The following TUBB2A variants were observed in gnomAD, a reference collection of about 807,000 sequenced individuals.
TUBB2A encodes the protein tubulin beta-2A chain.
TUBB2A carries 7 observed loss-of-function variants against 33.9 expected under a neutral mutation model. The ratio of observed to expected loss-of-function variants is 0.21; its 90% CI spans 0.12 to 0.39. The LOEUF (loss-of-function observed/expected upper bound fraction) is 0.39, where lower values mean the gene tolerates loss of function less well. Among genes scored for constraint, TUBB2A ranks in the 10% least tolerant of loss-of-function variants. The pLI, the probability that TUBB2A is intolerant of heterozygous loss-of-function variation, is 1.00. For missense variants in TUBB2A, 80 were observed against 593.4 expected (o/e 0.13, Z 8.99); for synonymous variants, 187 against 247.6 (o/e 0.76, Z 2.30).
chr6:3,157,342 C>T, intron 1 of TUBB2A, 65 bp downstream of exon 1: 2 of 1,345,894 alleles, frequency 1.5e-6, no homozygotes, highest in Non-Finnish European at 1.9e-6. Flanking sequence ...GCCTCCAGCC[C>T]CCGCCCCGGC....
In TUBB2A at chr6:3,155,138, G is replaced by A; in HGVS notation, c.278-215C>T. On this transcript the variant is annotated intron_variant, in intron 3 of 3. Coordinates refer to ENST00000333628, the MANE Select transcript of TUBB2A (RefSeq NM_001069.3). The surrounding 1 kb of genome is among the most constrained non-coding windows in gnomAD (Gnocchi z 4.2). ...TAAGAAGTAAGTTTAGCTCATCTGA[G>A]GCTATTGATTGAGGAAGAGGATAGG... is the stretch of plus-strand genomic sequence containing the variant. 7.6e-7 allele frequency: 1 copy of A among 1,314,368 alleles called. No homozygotes were observed. Among genetic ancestry groups the A allele is most frequent in the Non-Finnish European group, 1.0e-6 (1 of 983,522 alleles). The allele number at this position is 1,314,368 out of a possible 1,614,324, so 81.4% of individuals were successfully genotyped here.
chr6:3,157,527 T>A lies in TUBB2A; in HGVS notation c.-64A>T, dbSNP rs1762658557. On this transcript the variant is annotated 5_prime_UTR_variant, in exon 1 of 4. Coordinates refer to ENST00000333628, the MANE Select transcript of TUBB2A (RefSeq NM_001069.3). ...CGGTGCGCGGCGTGGACCGGCGGGCTGGGCTGCGCAGAGACCTGCCGCCGC... is the reference window on the plus strand; with the variant it reads ...CGGTGCGCGGCGTGGACCGGCGGGCAGGGCTGCGCAGAGACCTGCCGCCGC... 31 of 1,415,576 alleles carry A rather than the reference T, an allele frequency of 2.2e-5. No individual in the cohort carries two copies. The highest frequency in any genetic ancestry group is 2.6e-4 in the Middle Eastern group (1 of 3,912). The allele number at this position is 1,415,576 out of a possible 1,614,324, so 87.7% of individuals were successfully genotyped here.
rs1554122890 is a variant in TUBB2A at position 3,153,844 on chromosome 6, C to G, written c.*19G>C. 1 of 1,613,864 alleles carries G rather than the reference C, an allele frequency of 6.2e-7. No homozygotes were observed. The highest frequency in any genetic ancestry group is 8.5e-7 in the Non-Finnish European group (1 of 1,179,738). On this transcript the variant is annotated 3_prime_UTR_variant, in exon 4 of 4. Transcript: ENST00000333628. ...ACAACAGAAGTTCACTAAGGATGCA[C>G]GATTGATCTGAGAAGTTTTTAAGCC...
In TUBB2A at chr6:3,154,436, C is replaced by A; in HGVS notation, c.765G>T (p.Val255=). 2 of 1,558,130 alleles carry A rather than the reference C, an allele frequency of 1.3e-6. No individual in the cohort carries two copies. The highest frequency in any genetic ancestry group is 1.7e-6 in the Non-Finnish European group (2 of 1,156,670). Residue 255 remains valine, a synonymous_variant, in exon 4 of 4, where the codon GTG becomes GTT. Coordinates refer to ENST00000333628, the MANE Select transcript of TUBB2A (RefSeq NM_001069.3). ...QLNADLRKLA[V]NMVPFPRLHF... is the part of the protein sequence containing the mutation. ...GCAGGCGAGGGAAGGGCACCATGTTCACCGCCAGCTTGCGCAGGTCTGCGT... is the reference window on the plus strand; with the variant it reads ...GCAGGCGAGGGAAGGGCACCATGTTAACCGCCAGCTTGCGCAGGTCTGCGT...
intron 1 of TUBB2A, 118 bp downstream of exon 1, chr6:3,157,289 C>G (rs1762653585): frequency 1.7e-6 from 2 of 1,173,588 alleles, no homozygotes; most frequent in African/African-American, 1.6e-5. Context: ...GCCCGGCGGC[C>G]TCGCCGCGGA....
In TUBB2A at chr6:3,155,359, A is replaced by G. The variant is rs1482631809; in HGVS notation, c.277+266T>C. ...AGTCCTTTCAAGTTGCCTATAGCCT[A>G]TGAAGCCTGGCTTGAAGCTTTTCCT... is the stretch of plus-strand genomic sequence containing the variant. On this transcript the variant is annotated intron_variant, in intron 3 of 3. Coordinates refer to ENST00000333628, the MANE Select transcript of TUBB2A (RefSeq NM_001069.3). The surrounding 1 kb of genome is among the most constrained non-coding windows in gnomAD (Gnocchi z 4.2). Among the ~76,000 whole-genome samples, 2 of 152,206 alleles carry G rather than the reference A, an allele frequency of 1.3e-5. No homozygotes were observed. Among genetic ancestry groups the G allele is most frequent in the East Asian group, 3.8e-4 (2 of 5,198 alleles).
Position 3,157,530 on chromosome 6 carries a change from G to A in TUBB2A, c.-67C>T. The A allele has an allele frequency of 2.8e-6, 4 of 1,408,720 alleles. No individual in the cohort carries two copies. Among genetic ancestry groups the A allele is most frequent in the African/African-American group, 1.5e-5 (1 of 66,618 alleles). The allele number at this position is 1,408,720 out of a possible 1,614,324, so 87.3% of individuals were successfully genotyped here. Reference sequence around the variant, plus strand: ...TGCGCGGCGTGGACCGGCGGGCTGGGCTGCGCAGAGACCTGCCGCCGCCCC... The same window carrying A: ...TGCGCGGCGTGGACCGGCGGGCTGGACTGCGCAGAGACCTGCCGCCGCCCC... On this transcript the variant is annotated 5_prime_UTR_variant, in exon 1 of 4. Coordinates refer to ENST00000333628, the MANE Select transcript of TUBB2A (RefSeq NM_001069.3).
intron 1 of TUBB2A, 79 bp downstream of exon 1, chr6:3,157,328 C>A: frequency 2.3e-6 from 3 of 1,286,412 alleles, no homozygotes; most frequent in South Asian, 4.8e-5. Context: ...CCGGGGCCGC[C>A]GCGGCCTCCA....
In TUBB2A at chr6:3,155,648, A is replaced by T. The variant is rs1297384807; in HGVS notation, c.254T>A (p.Phe85Tyr). The T allele has an allele frequency of 4.3e-6, 7 of 1,613,592 alleles. No homozygotes were observed. The highest frequency in any genetic ancestry group is 4.2e-6 in the Non-Finnish European group (5 of 1,179,832). Residue 85 changes from phenylalanine (F) to tyrosine (Y), a missense_variant, in exon 3 of 4, where the codon TTC becomes TAC. Physicochemically the swap from Phe to Tyr is conservative, Grantham distance 22. This residue lies in a region of TUBB2A where 27 missense variants were observed against 165.8 expected (regional missense o/e 0.16). Transcript: ENST00000333628. The surrounding 1 kb of genome is among the most constrained non-coding windows in gnomAD (Gnocchi z 4.2). ...ACCGAACACGAAGTTGTCTGGTCTG[A>T]AGATCTGGCCGAAGGGTCCAGACCT... ...SVRSGPFGQI[F>Y]RPDNFVFGQS...
rs533112511 is a variant in TUBB2A at position 3,153,666 on chromosome 6, T to G, written c.*197A>C. ...TGAAGTGAGAACACAGACCACAAGG[T>G]TTTCTACACATGCTTTTTTATTAGT... is the stretch of plus-strand genomic sequence containing the variant. On this transcript the variant is annotated 3_prime_UTR_variant, in exon 4 of 4. Transcript: ENST00000333628. The G allele has an allele frequency of 2.3e-6, 2 of 873,642 alleles. No homozygotes were observed. Among genetic ancestry groups the G allele is most frequent in the East Asian group, 5.3e-5 (2 of 37,488 alleles). The allele number at this position is 873,642 out of a possible 1,614,324, so 54.1% of individuals were successfully genotyped here.
rs1374311742 is a variant in TUBB2A at position 3,153,896 on chromosome 6, C to T, written c.1305G>A (p.Glu435=). Residue 435 remains glutamate, a synonymous_variant, in exon 4 of 4, where the codon GAG becomes GAA. Transcript: ENST00000333628. ...YQDATADEQG[E]FEEEEGEDEA is the part of the protein sequence containing the mutation. Reference sequence around the variant, plus strand: ...CGTCCTCGCCCTCCTCCTCCTCGAACTCCCCTTGTTCGTCGGCCGTGGCGT... The same window carrying T: ...CGTCCTCGCCCTCCTCCTCCTCGAATTCCCCTTGTTCGTCGGCCGTGGCGT... 1 of 1,613,950 alleles carries T rather than the reference C, an allele frequency of 6.2e-7. No individual in the cohort carries two copies. Among genetic ancestry groups the T allele is most frequent in the Non-Finnish European group, 8.5e-7 (1 of 1,179,958 alleles).
Position 3,155,756 on chromosome 6 carries a change from C to G in TUBB2A, c.167-21G>C. Reference sequence around the variant, plus strand: ...GTTACCTGCAGGAAATAAGAACTGACTCAGGCCTGTGCTTGGGGAGGGACT... The same window carrying G: ...GTTACCTGCAGGAAATAAGAACTGAGTCAGGCCTGTGCTTGGGGAGGGACT... On this transcript the variant is annotated intron_variant, in intron 2 of 3. Coordinates refer to ENST00000333628, the MANE Select transcript of TUBB2A (RefSeq NM_001069.3). This position sits in a 1 kb window ranked among gnomAD's most constrained non-coding sequence, Gnocchi z 4.2. The G allele has an allele frequency of 6.3e-7, 1 of 1,592,912 alleles. No individual in the cohort carries two copies. The highest frequency in any genetic ancestry group is 1.3e-5 in the African/African-American group (1 of 74,610).
chr6:3,153,779 T>G lies in TUBB2A; in HGVS notation c.*84A>C. On this transcript the variant is annotated 3_prime_UTR_variant, in exon 4 of 4. Transcript: ENST00000333628. ...TGTGAATTTCTAACAGAGGCAAAAC[T>G]GAGCACCATAGTTTACAAGTAGAAA... 4 of 1,583,174 alleles carry G rather than the reference T, an allele frequency of 2.5e-6. No homozygotes were observed. Among genetic ancestry groups the G allele is most frequent in the Non-Finnish European group, 3.4e-6 (4 of 1,161,414 alleles).
chr6:3,157,288 C>T lies in TUBB2A; in HGVS notation c.57+119G>A, dbSNP rs1581499012. On this transcript the variant is annotated intron_variant, in intron 1 of 3. Transcript: ENST00000333628. ...CAGCCTCCCGGACCCCGCCCGGCGGCCTCGCCGCGGAATGTGCCACCCGGC... is the reference window on the plus strand; with the variant it reads ...CAGCCTCCCGGACCCCGCCCGGCGGTCTCGCCGCGGAATGTGCCACCCGGC... The T allele has an allele frequency of 5.2e-6, 6 of 1,161,368 alleles. No individual in the cohort carries two copies. The South Asian group carries it at 1.8e-4, about 36-fold the overall frequency. 71.9% of individuals were successfully genotyped at this position (1,161,368 alleles called of 1,614,324 possible).
chr6:3,155,055 C>T lies in TUBB2A; in HGVS notation c.278-132G>A. 1 of 1,509,928 alleles carries T rather than the reference C, an allele frequency of 6.6e-7. No homozygotes were observed. Among genetic ancestry groups the T allele is most frequent in the East Asian group, 2.5e-5 (1 of 40,452 alleles). The allele number at this position is 1,509,928 out of a possible 1,614,324, so 93.5% of individuals were successfully genotyped here. A position where few individuals can be genotyped will look rare whatever the true frequency, so the allele number is the denominator to read the frequency against. ...TTCTCTTTTGAATACTCTTCTTTTA[C>T]CTGAAGAAATATTTTTCTATGTCAG... is the stretch of plus-strand genomic sequence containing the variant. On this transcript the variant is annotated intron_variant, in intron 3 of 3. Coordinates refer to ENST00000333628, the MANE Select transcript of TUBB2A (RefSeq NM_001069.3). This position sits in a 1 kb window ranked among gnomAD's most constrained non-coding sequence, Gnocchi z 4.2.
chr6:3,154,385 G>A lies in TUBB2A; in HGVS notation c.816C>T (p.Pro272=). 1 of 1,449,394 alleles carries A rather than the reference G, an allele frequency of 6.9e-7. No homozygotes were observed. Among genetic ancestry groups the A allele is most frequent in the South Asian group, 1.2e-5 (1 of 82,828 alleles). 89.8% of individuals were successfully genotyped at this position (1,449,394 alleles called of 1,614,324 possible). Residue 272 remains proline (P), a synonymous_variant, in exon 4 of 4, where the codon CCC becomes CCT. Transcript: ENST00000333628. ...ACTGCTGGCTGCCCCGGCTGGTCAGGGGCGCGAAGCCGGGCATGAAGAAGT... is the reference window on the plus strand; with the variant it reads ...ACTGCTGGCTGCCCCGGCTGGTCAGAGGCGCGAAGCCGGGCATGAAGAAGT... ...RLHFFMPGFA[P]LTSRGSQQYR... is the part of the protein sequence containing the mutation.
Position 3,154,933 on chromosome 6 carries a change from G to A in TUBB2A, c.278-10C>T, listed in dbSNP as rs776027116. The A allele has an allele frequency of 8.7e-6, 14 of 1,613,796 alleles. No individual in the cohort carries two copies. In the East Asian group the frequency reaches 2.7e-4, roughly 31 times the overall value. On this transcript the variant is annotated splice_polypyrimidine_tract_variant and intron_variant, in intron 3 of 3. Transcript: ENST00000333628. ...CCGGCTCCACTCTGGCCTGCCAGAGGGAAAGTGAACATTAGACACTAAAAC... is the reference window on the plus strand; with the variant it reads ...CCGGCTCCACTCTGGCCTGCCAGAGAGAAAGTGAACATTAGACACTAAAAC...
chr6:3,153,905 T>C lies in TUBB2A; in HGVS notation c.1296A>G (p.Glu432=). 6.2e-7 allele frequency: 1 copy of C among 1,613,790 alleles called. No individual in the cohort carries two copies. The highest frequency in any genetic ancestry group is 8.5e-7 in the Non-Finnish European group (1 of 1,179,914). ...YQQYQDATAD[E]QGEFEEEEGE... is the part of the protein sequence containing the mutation. ...CCTCCTCCTCCTCGAACTCCCCTTG[T>C]TCGTCGGCCGTGGCGTCCTGGTACT... The change falls in exon 4 of 4, where the codon GAA becomes GAG. Residue 432 remains glutamate (E), a synonymous_variant. Coordinates refer to ENST00000333628, the MANE Select transcript of TUBB2A (RefSeq NM_001069.3).
chr6:3,153,881 C>G lies in TUBB2A; in HGVS notation c.1320G>C (p.Glu440Asp). Residue 440 changes from glutamate to aspartate, a missense_variant, in exon 4 of 4, where the codon GAG becomes GAC. Physicochemically the swap from Glu to Asp is conservative, Grantham distance 45 (BLOSUM62 2). This residue lies in a region of TUBB2A where 15 missense variants were observed against 23.2 expected (regional missense o/e 0.65). Transcript: ENST00000333628. ...GAAGTTTTTAAGCCTCGTCCTCGCCCTCCTCCTCCTCGAACTCCCCTTGTT... is the reference window on the plus strand; with the variant it reads ...GAAGTTTTTAAGCCTCGTCCTCGCCGTCCTCCTCCTCGAACTCCCCTTGTT... ...ADEQGEFEEE[E>D]GEDEA is the part of the protein sequence containing the mutation. 1 of 1,613,770 alleles carries G rather than the reference C, an allele frequency of 6.2e-7. No individual in the cohort carries two copies. The highest frequency in any genetic ancestry group is 8.5e-7 in the Non-Finnish European group (1 of 1,179,770).
Sources: allele counts gnomAD v4.1 joint callset (sites outside exome capture counted in the v4.1 genomes callset), GRCh38; gene constraint gnomAD v4.1.1; regional missense constraint gnomAD v4.1.1; non-coding constraint Gnocchi (gnomAD v3.1); transcripts MANE v1.5; gene names NCBI Gene and HGNC (gene_info 2026-07-23, HGNC 2026-07-21).